The following ZNF26 variants were observed in gnomAD, a reference collection of about 807,000 sequenced individuals.
ZNF26 encodes epididymis luminal protein 179.
In ZNF26, 32 loss-of-function variants were observed where a neutral mutation model predicts 54.9. The observed-to-expected ratio is 0.58, with a 90% CI of 0.44 to 0.78. ZNF26 has a LOEUF of 0.78. Ranked by LOEUF, ZNF26 falls within the 30% of genes least tolerant of loss-of-function variation. ZNF26 has a pLI of 0.00. For missense variants in ZNF26, 524 were observed against 634.0 expected, an observed-to-expected ratio of 0.83 and a Z score of 1.86; for synonymous variants, 221 against 209.2, an observed-to-expected ratio of 1.06 and a Z score of -0.49.
chr12:133,026,246 G>T lies in ZNF26; in HGVS notation c.*14765G>T, dbSNP rs1953703803. On this transcript the variant is annotated 3_prime_UTR_variant, in exon 4 of 4. Coordinates refer to ENST00000328654, the MANE Select transcript of ZNF26 (RefSeq NM_019591.4). Reference sequence around the variant, plus strand: ...CTCCCAAGTAGCTGGGATTACAGGTGCTCGCCACCATACTTGGCTAATTTT... The same window carrying T: ...CTCCCAAGTAGCTGGGATTACAGGTTCTCGCCACCATACTTGGCTAATTTT... 1 of 151,578 alleles carries T rather than the reference G, an allele frequency of 6.6e-6. No individual in the cohort carries two copies. The highest frequency in any genetic ancestry group is 1.5e-5 in the Non-Finnish European group (1 of 67,964). 9.4% of individuals were successfully genotyped at this position (151,578 alleles called of 1,614,324 possible).
intron 2 of ZNF26, 71 bp downstream of exon 2, chr12:133,007,239 T>C (rs1953351207): frequency 6.4e-7 from 1 of 1,558,784 alleles, no homozygotes; most frequent in Admixed American, 1.7e-5. Context: ...GTTGTTGAAC[T>C]ACTCCGGGAT....
At chr12:133,000,496 C>T (rs1201817423) in intron 1 of ZNF26, among the ~76,000 whole-genome samples, 1 of 146,274 alleles carries the variant, frequency 6.8e-6, no homozygotes, top group Non-Finnish European at 1.5e-5. Flanking sequence ...ACGATCTTGG[C>T]TCACTGCAAG....
intron 1 of ZNF26, among the ~76,000 whole-genome samples, chr12:132,991,546 C>T (rs1002197544): frequency 3.3e-5 from 5 of 151,608 alleles, no homozygotes; most frequent in Non-Finnish European, 7.4e-5. Flanking sequence ...CCTGTAATCC[C>T]AGCACTTTGG....
chr12:132,986,705 A>G lies in ZNF26; in HGVS notation c.-136A>G, dbSNP rs1459209472. 16 of 914,080 alleles carry G rather than the reference A, an allele frequency of 1.8e-5. No individual in the cohort carries two copies. The highest frequency in any genetic ancestry group is 2.7e-5 in the Admixed American group (1 of 37,144). The allele number at this position is 914,080 out of a possible 1,614,324, so 56.6% of individuals were successfully genotyped here. A position where few individuals can be genotyped will look rare whatever the true frequency, so the allele number is the denominator to read the frequency against. ...GAGCTGAGGAGCCGGCGTCCCTGCC[A>G]ACGACTCGGCCCCGGGACGGTCAGG... is the stretch of plus-strand genomic sequence containing the variant. On this transcript the variant is annotated 5_prime_UTR_variant, in exon 1 of 4. Coordinates refer to ENST00000328654, the MANE Select transcript of ZNF26 (RefSeq NM_019591.4).
rs1953659697 is a variant in ZNF26, at chr12:133,022,695, G to C, written c.*11214G>C. ...TGATAAAGATGTAAAAGAATAAAGA[G>C]ACTATTATCCAGTTGATAAAATATG... On this transcript the variant is annotated 3_prime_UTR_variant, in exon 4 of 4. Transcript: ENST00000328654. 1 of 152,112 alleles carries C rather than the reference G, an allele frequency of 6.6e-6. No individual in the cohort carries two copies. Among genetic ancestry groups the C allele is most frequent in the South Asian group, 2.1e-4 (1 of 4,832 alleles). The allele number at this position is 152,112 out of a possible 1,614,324, so 9.4% of individuals were successfully genotyped here.
At chr12:132,987,639 T>C in intron 1 of ZNF26, 2 of 933,080 alleles carry the variant, frequency 2.1e-6, no homozygotes, top group Non-Finnish European at 2.6e-6. Flanking sequence ...TTCGCAGGTG[T>C]TGAATATCCA....
chr12:133,003,318 A>G (rs1306547875), intron 1 of ZNF26, among the ~76,000 whole-genome samples: 1 of 147,636 alleles, frequency 6.8e-6, no homozygotes, highest in Non-Finnish European at 1.5e-5. Flanking sequence ...GCAGTGGCGC[A>G]ATCTCGGCAC....
At chr12:132,992,164 A>G (rs1251711176) in intron 1 of ZNF26, among the ~76,000 whole-genome samples, 1 of 152,072 alleles carries the variant, frequency 6.6e-6, no homozygotes, top group Non-Finnish European at 1.5e-5. Context: ...AAAAAAGTGT[A>G]TCTGTGTTTC....
intron 1 of ZNF26, among the ~76,000 whole-genome samples, chr12:132,992,398 C>G (rs1203364174): frequency 6.6e-6 from 1 of 151,584 alleles, no homozygotes; most frequent in African/African-American, 2.4e-5. Context: ...TTTTTCATCT[C>G]TGGCTTATCT....
At position 133,010,953 on chromosome 12, in the gene ZNF26, T is replaced by A; in HGVS notation, c.1074T>A (p.Ile358=). The change falls in exon 4 of 4, where the codon ATT becomes ATA. Residue 358 remains isoleucine, a synonymous_variant. Transcript: ENST00000328654. The stretch of plus-strand genomic sequence containing the variant: ...CCTTCAATATGAAGACACAACTCAT[T>A]GTACATCAGGGAGTTCACACAGGAA... The part of the protein sequence containing the change: ...GKAFNMKTQL[I]VHQGVHTGNN... The A allele has an allele frequency of 1.2e-6, 2 of 1,614,158 alleles. No homozygotes were observed. The highest frequency in any genetic ancestry group is 1.7e-6 in the Non-Finnish European group (2 of 1,180,022).
chr12:133,003,252 CTTTTCTT>C (rs1953256406), intron 1 of ZNF26, among the ~76,000 whole-genome samples: 1 of 143,420 alleles, frequency 7.0e-6, no homozygotes, highest in African/African-American at 2.6e-5. Context: ...ATGTAGTTCC[CTTTTCTT>C]TTTTTTTTTT....
At position 133,013,368 on chromosome 12, in the gene ZNF26, G is replaced by A. The variant is rs1953522051; in HGVS notation, c.*1887G>A. On this transcript the variant is annotated 3_prime_UTR_variant, in exon 4 of 4. Coordinates refer to ENST00000328654, the MANE Select transcript of ZNF26 (RefSeq NM_019591.4). ...GAATTAAAGTCAGTTCACCTCAAAT[G>A]TTTACTAAATCCCTTAATGTAAACA... 6.6e-6 allele frequency: 1 copy of A among 152,364 alleles called. No homozygotes were observed. 9.4% of individuals were successfully genotyped at this position (152,364 alleles called of 1,614,324 possible).
Position 133,007,289 on chromosome 12 carries a change from G to A in ZNF26, c.160+121G>A. 5.8e-6 allele frequency: 8 copies of A among 1,380,670 alleles called. 1 individual carries two copies. The South Asian group carries it at 6.7e-5, about 12-fold the overall frequency. The allele number at this position is 1,380,670 out of a possible 1,614,324, so 85.5% of individuals were successfully genotyped here. ...ATGATTATGAACTTGAACTTTAGGG[G>A]TCAAATTTCCTTAGTCCCTGTTTGT... is the stretch of plus-strand genomic sequence containing the variant. On this transcript the variant is annotated intron_variant, in intron 2 of 3. Transcript: ENST00000328654.
chr12:132,993,956 A>G (rs11832200), intron 1 of ZNF26, among the ~76,000 whole-genome samples: 2,522 of 152,220 alleles, frequency 0.017, 79 homozygotes, highest in African/African-American at 0.057. Context: ...CAACCTCACA[A>G]GTATTTCCCA....
In ZNF26 at chr12:133,010,501, G is replaced by T. The variant is rs1953446928; in HGVS notation, c.622G>T (p.Glu208Ter). 14 of 1,613,992 alleles carry T rather than the reference G, an allele frequency of 8.7e-6. No homozygotes were observed. Among genetic ancestry groups the T allele is most frequent in the Non-Finnish European group, 1.2e-5 (14 of 1,180,022 alleles). ...GAGACCTTATGAATGCAGTAAATGT[G>T]AAAGAGCCTTCAGTGCCAAGTCAAA... ...GERPYECSKCERAFSAKSNLN... is the reference protein window; with the variant it reads ...GERPYECSKC The change falls in exon 4 of 4, where the codon GAA becomes TAA. Residue 208 changes from glutamate (E) to a stop codon, truncating the protein, a stop_gained. Transcript: ENST00000328654. LOFTEE classifies it high-confidence loss of function.
rs796078770 is a variant in ZNF26 at position 132,993,703 on chromosome 12, C to G, written c.33+6830C>G. The stretch of plus-strand genomic sequence containing the variant: ...ATTCCTGACCTCAGGTGATCTACCC[C>G]CCTCGGCCTCCCAGAGTGCTGGGAT... On this transcript the variant is annotated intron_variant, in intron 1 of 3. Transcript: ENST00000328654. Among the ~76,000 whole-genome samples, 364 of 151,756 alleles carry G rather than the reference C, an allele frequency of 2.4e-3. 1 individual carries two copies. Among genetic ancestry groups the G allele is most frequent in the Middle Eastern group, 0.014 (4 of 294 alleles).
chr12:133,008,471 T>A (rs1953384946), intron 3 of ZNF26, among the ~76,000 whole-genome samples: 1 of 152,042 alleles, frequency 6.6e-6, no homozygotes, highest in African/African-American at 2.4e-5. Flanking sequence ...ATTCTTTCAT[T>A]GCTATAAAGA....
Position 133,025,311 on chromosome 12 carries a change from T to C in ZNF26, c.*13830T>C, listed in dbSNP as rs1355689136. ...GTCTCATATTTCACAGGCATTCAGA[T>C]TGGGAGAAATAGCACCTCAGGAACT... On this transcript the variant is annotated 3_prime_UTR_variant, in exon 4 of 4. Coordinates refer to ENST00000328654, the MANE Select transcript of ZNF26 (RefSeq NM_019591.4). 2.6e-5 allele frequency: 4 copies of C among 152,198 alleles called. No homozygotes were observed. The highest frequency in any genetic ancestry group is 9.7e-5 in the African/African-American group (4 of 41,438). The allele number at this position is 152,198 out of a possible 1,614,324, so 9.4% of individuals were successfully genotyped here.
In ZNF26 at chr12:132,986,611, A is replaced by C. The variant is rs1952824942; in HGVS notation, c.-230A>C. On this transcript the variant is annotated 5_prime_UTR_variant, in exon 1 of 4. Transcript: ENST00000328654. ...GAGTCAGGGCCACGGAAAGGCACAA[A>C]TCCATCCGTGCGACTCCTGGTACCC... is the stretch of plus-strand genomic sequence containing the variant. The C allele has an allele frequency of 5.1e-6, 3 of 590,464 alleles. No homozygotes were observed. Among genetic ancestry groups the C allele is most frequent in the African/African-American group, 3.7e-5 (2 of 53,504 alleles). The allele number at this position is 590,464 out of a possible 1,614,324, so 36.6% of individuals were successfully genotyped here.
Sources: gnomAD v4.1 joint callset for allele counts (sites outside exome capture counted in the v4.1 genomes callset) on GRCh38, gnomAD v4.1.1 for gene constraint, MANE v1.5 for transcripts, NCBI Gene and HGNC (gene_info 2026-07-23, HGNC 2026-07-21) for gene names.